LINC00237: variants seen among roughly 807,000 people sequenced by gnomAD.
LINC00237 encodes the protein long independently transcribed non-coding RNA 237.
downstream of LINC00237, among the ~76,000 whole-genome samples, chr20:21,085,576 T>C (rs1020859593): frequency 2.6e-4 from 39 of 152,052 alleles, no homozygotes; most frequent in Admixed American, 2.2e-3. Context: ...CGCAAAAGAG[T>C]ACATGTTGTA....
At chr20:21,095,079 G>A (rs2030839281) in intron 1 of LINC00237, among the ~76,000 whole-genome samples, 1 of 152,058 alleles carries the variant, frequency 6.6e-6, no homozygotes, top group Non-Finnish European at 1.5e-5. Context: ...AATAAAAAGA[G>A]GAGGAGCCTT....
intron 1 of LINC00237, among the ~76,000 whole-genome samples, chr20:21,102,707 A>AAG (rs2030947985): frequency 1.3e-5 from 2 of 151,714 alleles, no homozygotes; most frequent in South Asian, 4.2e-4. Flanking sequence ...AAAAAAAAAA[A>AAG]AAAAAAGGAG....
At chr20:21,105,372 C>T (rs1321093086) in intron 1 of LINC00237, among the ~76,000 whole-genome samples, 1 of 148,728 alleles carries the variant, frequency 6.7e-6, no homozygotes. Context: ...GCTAAAAGTT[C>T]AGCCCTTCGA....
chr20:21,091,143 C>T (rs866955442), intron 2 of LINC00237, among the ~76,000 whole-genome samples: 5 of 151,342 alleles, frequency 3.3e-5, no homozygotes, highest in Middle Eastern at 3.4e-3. Flanking sequence ...TCATGAGGTG[C>T]ATAATCATTT....
At position 21,101,333 on chromosome 20, in the gene LINC00237, C is replaced by T. The variant is rs2030929020; in HGVS notation, n.88+4938G>A. 1 of 152,168 alleles carries T rather than the reference C, an allele frequency of 6.6e-6. No homozygotes were observed. The highest frequency in any genetic ancestry group is 1.5e-5 in the Non-Finnish European group (1 of 68,064). 9.4% of individuals were successfully genotyped at this position (152,168 alleles called of 1,614,324 possible). The stretch of plus-strand genomic sequence containing the variant: ...CATCGAGAGGCAATCGGGGTGGGGG[C>T]AGAAATAGGGGCTGACCCGCTAGCC... On this transcript the variant is annotated intron_variant and non_coding_transcript_variant, in intron 1 of 3. Coordinates refer to ENST00000691244, the Ensembl canonical transcript of LINC00237. The surrounding 1 kb of genome is among the most constrained non-coding windows in gnomAD (Gnocchi z 4.3).
At chr20:21,106,338 C>G (rs752819022) in exon 1 of LINC00237, 1 of 152,262 alleles carries the variant, frequency 6.6e-6, no homozygotes. Context: ...GAGGGGGCTC[C>G]GCGCGCAGCC....
chr20:21,091,057 G>GTGTGTGTGTT (rs1287291524), intron 2 of LINC00237, among the ~76,000 whole-genome samples: 1 of 150,338 alleles, frequency 6.7e-6, no homozygotes, highest in Non-Finnish European at 1.5e-5. Flanking sequence ...GTGTGTGTGT[G>GTGTGTGTGTT]TGCGTGTGTG....
intron 3 of LINC00237, among the ~76,000 whole-genome samples, chr20:21,086,019 C>T (rs1354809976): frequency 6.6e-6 from 1 of 152,198 alleles, no homozygotes; most frequent in Non-Finnish European, 1.5e-5. Context: ...ACACGCAGTG[C>T]ATTTGCATCA....
At chr20:21,091,046 CGTGTGT>C in intron 2 of LINC00237, among the ~76,000 whole-genome samples, 1 of 150,152 alleles carries the variant, frequency 6.7e-6, no homozygotes, top group East Asian at 1.9e-4. Context: ...TGTAAATGTG[CGTGTGT>C]GTGTGTGCGT....
At chr20:21,092,772 T>C (rs2030809488) in intron 2 of LINC00237, 1 of 152,236 alleles carries the variant, frequency 6.6e-6, no homozygotes, top group Admixed American at 6.5e-5. Context: ...GTGGTGTGAT[T>C]AGATGATCAG....
chr20:21,097,844 A>T (rs113548191), intron 1 of LINC00237, among the ~76,000 whole-genome samples: 2 of 152,224 alleles, frequency 1.3e-5, no homozygotes, highest in East Asian at 3.8e-4. Context: ...ATTTATCAGG[A>T]TAAGCCTTCC....
rs969136365 is a variant in LINC00237 at position 21,101,011 on chromosome 20, T to C, written n.88+5260A>G. Among the ~76,000 whole-genome samples, 1 of 151,964 alleles carries C rather than the reference T, an allele frequency of 6.6e-6. No homozygotes were observed. Among genetic ancestry groups the C allele is most frequent in the Non-Finnish European group, 1.5e-5 (1 of 67,992 alleles). On this transcript the variant is annotated intron_variant and non_coding_transcript_variant, in intron 1 of 3. Coordinates refer to ENST00000691244, the Ensembl canonical transcript of LINC00237. This position sits in a 1 kb window ranked among gnomAD's most constrained non-coding sequence, Gnocchi z 4.3. ...GCCAGACAACAATATCAATTAATCA[T>C]GCAGCGGGCAAACAAGGAGATTTAT...
intron 1 of LINC00237, among the ~76,000 whole-genome samples, chr20:21,100,373 A>G (rs1252740340): frequency 1.3e-5 from 2 of 152,202 alleles, no homozygotes; most frequent in African/African-American, 4.8e-5. Context: ...GGCCTTGGGA[A>G]TCGCGCGAGC....
intron 1 of LINC00237, among the ~76,000 whole-genome samples, chr20:21,105,884 G>A (rs952473882): frequency 1.3e-5 from 2 of 152,142 alleles, no homozygotes; most frequent in African/African-American, 2.4e-5. Context: ...CTGGGGAAAA[G>A]AAGGGGCTTG....
intron 1 of LINC00237, among the ~76,000 whole-genome samples, chr20:21,103,957 G>A (rs2030965758): frequency 1.3e-5 from 2 of 152,080 alleles, no homozygotes; most frequent in Non-Finnish European, 2.9e-5. Context: ...CGATAATCTG[G>A]GAAATACAAC....
intron 1 of LINC00237, among the ~76,000 whole-genome samples, chr20:21,096,159 C>T (rs1157572372): frequency 1.3e-5 from 2 of 152,146 alleles, no homozygotes; most frequent in Non-Finnish European, 2.9e-5. Flanking sequence ...AAAAATAAAG[C>T]CAGGACGGGG....
intron 1 of LINC00237, among the ~76,000 whole-genome samples, chr20:21,095,479 CAGT>C (rs1273500815): frequency 6.6e-6 from 1 of 152,062 alleles, no homozygotes; most frequent in Non-Finnish European, 1.5e-5. Context: ...ATAAGTGAAA[CAGT>C]AGGATAAAGA....
intron 2 of LINC00237, among the ~76,000 whole-genome samples, chr20:21,091,993 T>C (rs983136328): frequency 2.6e-5 from 4 of 152,206 alleles, no homozygotes; most frequent in African/African-American, 9.6e-5. Flanking sequence ...CTGAGTTCTT[T>C]TGGTTCTTTC....
chr20:21,088,025 C>T (rs1221969270), exon 3 of LINC00237: 1 of 152,188 alleles, frequency 6.6e-6, no homozygotes, highest in Admixed American at 6.5e-5. Context: ...TACCTCCCAG[C>T]CTTCCCTGTA....
Sources: allele counts gnomAD v4.1 joint callset (sites outside exome capture counted in the v4.1 genomes callset), GRCh38; gene constraint gnomAD v4.1.1; non-coding constraint Gnocchi (gnomAD v3.1); transcripts MANE v1.5; gene names NCBI Gene and HGNC (gene_info 2026-07-23, HGNC 2026-07-21).